Variants in IGFN1 observed in about 807,000 individuals in gnomAD.
IGFN1 encodes the protein immunoglobulin like and fibronectin type III domain containing 1.
Under a neutral mutation model 289.5 loss-of-function variants are expected in IGFN1, and 253 were observed. The ratio of observed to expected loss-of-function variants is 0.87; its 90% confidence interval spans 0.79 to 0.97. The LOEUF is 0.97. Ranked by LOEUF, IGFN1 falls within the 50% of genes least tolerant of loss-of-function variation. The pLI is 0.00. For missense variants in IGFN1, 4,470 were observed against 4,686.1 expected (o/e 0.95, Z 1.35); for synonymous variants, 1,706 against 1,788.5 (o/e 0.95, Z 1.16).
chr1:201,221,394 T>C (rs974244355), intron 18 of IGFN1, 50 bp from the exon 19 acceptor site: 6 of 1,365,194 alleles, frequency 4.4e-6, no homozygotes, highest in Non-Finnish European at 5.9e-6. Flanking sequence ...CCACACTGAG[T>C]GGCCTCCCTC....
chr1:201,197,737 T>C (rs941262134), intron 5 of IGFN1, among the ~76,000 whole-genome samples: 1 of 152,136 alleles, frequency 6.6e-6, no homozygotes, highest in African/African-American at 2.4e-5. Context: ...CAGACATGTT[T>C]TTTTTGGTGT....
In IGFN1 at chr1:201,221,630, C is replaced by G. The variant is rs569673030; in HGVS notation, c.10085C>G (p.Thr3362Arg). 6.2e-6 allele frequency: 10 copies of G among 1,614,100 alleles called. No homozygotes were observed. Among genetic ancestry groups the G allele is most frequent in the Non-Finnish European group, 8.5e-6 (10 of 1,180,020 alleles). The change falls in exon 19 of 24, where the codon ACG (threonine) becomes AGG (arginine). Residue 3362 changes from threonine to arginine, a missense_variant. Around this residue, in one of 8 missense-constraint regions of IGFN1, gnomAD observed 2,218 missense variants for 2,114.1 expected, o/e 1.05. Coordinates refer to ENST00000335211, the MANE Select transcript of IGFN1 (RefSeq NM_001164586.2). ...GGCACCGTGCCAGTCACCACCTACA[C>G]GGCCAAGGGGCTTCGGCCTGGAGAG... Reference protein sequence around the residue: ...HVGTVPVTTYTAKGLRPGEGY... With the variant: ...HVGTVPVTTYRAKGLRPGEGY...
In IGFN1 at chr1:201,207,548, C is replaced by G; in HGVS notation, c.2655C>G (p.Ala885=). The G allele has an allele frequency of 6.5e-7, 1 of 1,536,802 alleles. No individual in the cohort carries two copies. Among genetic ancestry groups the G allele is most frequent in the Non-Finnish European group, 8.7e-7 (1 of 1,146,810 alleles). ...CGGAGTCTGGTCAGGGGGTGGATGC[C>G]AGAAGCCACTGGCTAAGTAGGGCTC... The part of the protein sequence containing the change: ...GLTESGQGVD[A]RSHWLSRAPG... Residue 885 remains alanine, a synonymous_variant, in exon 12 of 24, where the codon GCC becomes GCG. Coordinates refer to ENST00000335211, the MANE Select transcript of IGFN1 (RefSeq NM_001164586.2).
Position 201,207,211 on chromosome 1 carries a change from C to T in IGFN1, c.2318C>T (p.Thr773Ile). Residue 773 changes from threonine (T) to isoleucine (I), a missense_variant, in exon 12 of 24, where the codon ACT (threonine) becomes ATT (isoleucine). Around this residue, in one of 8 missense-constraint regions of IGFN1, gnomAD observed 2,011 missense variants for 1,953.4 expected, o/e 1.03. Transcript: ENST00000335211. ...GTAGTTACAGGAAGTGCCTACAAAA[C>T]TGGCCCTGGAGGCCCAGGAGACCCC... ...ESVVTGSAYK[T>I]GPGGPGDPRG... 1 of 1,536,834 alleles carries T rather than the reference C, an allele frequency of 6.5e-7. No individual in the cohort carries two copies. The highest frequency in any genetic ancestry group is 8.7e-7 in the Non-Finnish European group (1 of 1,146,858).
intron 17 of IGFN1, 55 bp downstream of exon 17, chr1:201,217,515 C>A: frequency 6.4e-7 from 1 of 1,569,716 alleles, no homozygotes; most frequent in Non-Finnish European, 8.7e-7. Flanking sequence ...GCTCCAGGAT[C>A]CCAGGGACTT....
chr1:201,207,017 C>T lies in IGFN1; in HGVS notation c.2124C>T (p.Ala708=), dbSNP rs888413482. Residue 708 remains alanine, a synonymous_variant, in exon 12 of 24, where the codon GCC becomes GCT. Coordinates refer to ENST00000335211, the MANE Select transcript of IGFN1 (RefSeq NM_001164586.2). The part of the protein sequence containing the change: ...QGGRDADYGE[A]RGYWGSGELL... ...GTAGAGATGCTGACTATGGGGAAGCCAGGGGCTACTGGGGGTCAGGAGAGT... is the reference window on the plus strand; with the variant it reads ...GTAGAGATGCTGACTATGGGGAAGCTAGGGGCTACTGGGGGTCAGGAGAGT... 6.3e-5 allele frequency: 97 copies of T among 1,536,460 alleles called. No individual in the cohort carries two copies. The highest frequency in any genetic ancestry group is 7.8e-5 in the Non-Finnish European group (90 of 1,146,688).
At position 201,206,965 on chromosome 1, in the gene IGFN1, C is replaced by T. The variant is rs1667456311; in HGVS notation, c.2072C>T (p.Ala691Val). 2 of 1,535,858 alleles carry T rather than the reference C, an allele frequency of 1.3e-6. No individual in the cohort carries two copies. The highest frequency in any genetic ancestry group is 1.7e-6 in the Non-Finnish European group (2 of 1,146,302). ...GGTTCTGGCTCCAAGGTGGGCATGG[C>T]CCCTGAATCCTGGGGTTCTCAGGGA... is the stretch of plus-strand genomic sequence containing the variant. The part of the protein sequence containing the change: ...GRGSGSKVGM[A>V]PESWGSQGGR... The change falls in exon 12 of 24, where the codon GCC becomes GTC. Residue 691 changes from alanine to valine, a missense_variant. Physicochemically the swap from Ala to Val is moderately conservative, Grantham distance 64. Around this residue, in one of 8 missense-constraint regions of IGFN1, gnomAD observed 2,011 missense variants for 1,953.4 expected, o/e 1.03. Coordinates refer to ENST00000335211, the MANE Select transcript of IGFN1 (RefSeq NM_001164586.2).
intron 10 of IGFN1, among the ~76,000 whole-genome samples, chr1:201,204,311 C>T (rs1355852305): frequency 6.6e-6 from 1 of 152,250 alleles, no homozygotes; most frequent in Non-Finnish European, 1.5e-5. Context: ...ACGCTCCATA[C>T]AGACCTTTCC....
chr1:201,228,494 C>A lies in IGFN1; in HGVS notation c.*95C>A. The A allele has an allele frequency of 7.6e-7, 1 of 1,314,628 alleles. No homozygotes were observed. Among genetic ancestry groups the A allele is most frequent in the Non-Finnish European group, 1.1e-6 (1 of 907,940 alleles). 81.4% of individuals were successfully genotyped at this position (1,314,628 alleles called of 1,614,324 possible). ...GCCAATCCCAAGGATGGAGGCTGTG[C>A]CCAGAGCCCCAGGAAAATGGGAGTG... On this transcript the variant is annotated 3_prime_UTR_variant, in exon 24 of 24. Transcript: ENST00000335211.
chr1:201,217,321 GT>G lies in IGFN1; in HGVS notation c.9631del (p.Ser3211ArgfsTer9). The G allele has an allele frequency of 6.2e-7, 1 of 1,614,088 alleles. No homozygotes were observed. Among genetic ancestry groups the G allele is most frequent in the South Asian group, 1.1e-5 (1 of 91,078 alleles). ...AGGCCCCTTCCGCGCCAGCCATCCT[GT>G]CGGCCTCCAGCCAGGGCATCACACT... The part of the protein sequence containing the change: ...PKAPSAPAIL[S>X]ASSQGITLTW... On this transcript the variant is annotated frameshift_variant, in exon 17 of 24. Transcript: ENST00000335211. LOFTEE classifies it high-confidence loss of function.
In IGFN1 at chr1:201,207,597, G is replaced by C. The variant is rs529651501; in HGVS notation, c.2704G>C (p.Gly902Arg). ...RAPGLGAQGS[G>R]GTLGDKKGLR... ...TCCAGGCCTGGGTGCTCAGGGATCT[G>C]GGGGGACACTAGGAGATAAGAAAGG... Residue 902 changes from glycine to arginine, a missense_variant, in exon 12 of 24, where the codon GGG (glycine) becomes CGG (arginine). Physicochemically the swap from Gly to Arg is moderately radical, Grantham distance 125. Transcript: ENST00000335211. 2.0e-6 allele frequency: 3 copies of C among 1,536,558 alleles called. No individual in the cohort carries two copies. Among genetic ancestry groups the C allele is most frequent in the Non-Finnish European group, 2.6e-6 (3 of 1,146,428 alleles).
chr1:201,216,964 G>C (rs1653351075), intron 16 of IGFN1, among the ~76,000 whole-genome samples: 1 of 152,142 alleles, frequency 6.6e-6, no homozygotes, highest in African/African-American at 2.4e-5. Context: ...CCAGGAGTGA[G>C]GGTGTGGGCC....
chr1:201,216,484 A>T lies in IGFN1; in HGVS notation c.9326A>T (p.Glu3109Val). The T allele has an allele frequency of 6.3e-7, 1 of 1,593,308 alleles. No homozygotes were observed. Among genetic ancestry groups the T allele is most frequent in the Non-Finnish European group, 8.6e-7 (1 of 1,169,574 alleles). The change falls in exon 16 of 24, where the codon GAG becomes GTG. Residue 3109 changes from glutamate (E) to valine (V), a missense_variant. By Grantham distance (121) the Glu-to-Val change is moderately radical. This residue lies in a region of IGFN1 where 2,218 missense variants were observed against 2,114.1 expected (regional missense o/e 1.05). Coordinates refer to ENST00000335211, the MANE Select transcript of IGFN1 (RefSeq NM_001164586.2). The part of the protein sequence containing the change: ...DKPDPPQGPM[E>V]VQDCHRAGVC... ...CCTGATCCCCCACAAGGCCCCATGGAGGTTCAGGATTGCCATAGGGCTGGC... is the reference window on the plus strand; with the variant it reads ...CCTGATCCCCCACAAGGCCCCATGGTGGTTCAGGATTGCCATAGGGCTGGC...
chr1:201,226,904 G>T lies in IGFN1; in HGVS notation c.10809G>T (p.Pro3603=). 1 of 1,602,118 alleles carries T rather than the reference G, an allele frequency of 6.2e-7. No homozygotes were observed. Among genetic ancestry groups the T allele is most frequent in the Non-Finnish European group, 8.5e-7 (1 of 1,173,328 alleles). ...RQRDRFTVKA[P]CYREPDLSQK... ...CAGACAGGTTCACAGTGAAGGCTCC[G>T]TGCTACCGGGAGCCCGACCTGAGCC... The change falls in exon 23 of 24, where the codon CCG becomes CCT. Residue 3603 remains proline, a synonymous_variant. Coordinates refer to ENST00000335211, the MANE Select transcript of IGFN1 (RefSeq NM_001164586.2).
chr1:201,208,507 C>A lies in IGFN1; in HGVS notation c.3614C>A (p.Ala1205Asp). Residue 1205 changes from alanine (A) to aspartate (D), a missense_variant, in exon 12 of 24, where the codon GCT (alanine) becomes GAT (aspartate). Physicochemically the swap from Ala to Asp is moderately radical, Grantham distance 126 (BLOSUM62 -2). Coordinates refer to ENST00000335211, the MANE Select transcript of IGFN1 (RefSeq NM_001164586.2). ...GGGGCCGCTTCTGGGAGCCAGTGGG[C>A]TTATGGGGCTGGCAATGTGCTGGGT... ...HNGAASGSQWAYGAGNVLGYE... is the reference protein window; with the variant it reads ...HNGAASGSQWDYGAGNVLGYE... The A allele has an allele frequency of 6.9e-7, 1 of 1,450,978 alleles. No individual in the cohort carries two copies. Among genetic ancestry groups the A allele is most frequent in the Non-Finnish European group, 9.0e-7 (1 of 1,109,878 alleles). 89.9% of individuals were successfully genotyped at this position (1,450,978 alleles called of 1,614,324 possible). A position where few individuals can be genotyped will look rare whatever the true frequency, so the allele number is the denominator to read the frequency against.
Position 201,213,329 on chromosome 1 carries a change from T to TG in IGFN1, c.8438dup (p.Ser2814LeufsTer13), listed in dbSNP as rs1266177345. ...AGGCTGGGAGGTCAGGCAGGAGGCCTGGCTCACTCAGGAGCAGGTCTCAGG... is the reference window on the plus strand; with the variant it reads ...AGGCTGGGAGGTCAGGCAGGAGGCCTGGGCTCACTCAGGAGCAGGTCTCAGG... On this transcript the variant is annotated frameshift_variant, in exon 12 of 24. Coordinates refer to ENST00000335211, the MANE Select transcript of IGFN1 (RefSeq NM_001164586.2). LOFTEE classifies it high-confidence loss of function. 6.3e-7 allele frequency: 1 copy of TG among 1,593,894 alleles called. No individual in the cohort carries two copies. The highest frequency in any genetic ancestry group is 1.1e-5 in the South Asian group (1 of 88,416).
At position 201,221,778 on chromosome 1, in the gene IGFN1, C is replaced by A. The variant is rs368001469; in HGVS notation, c.10201+32C>A. On this transcript the variant is annotated intron_variant, in intron 19 of 23. Coordinates refer to ENST00000335211, the MANE Select transcript of IGFN1 (RefSeq NM_001164586.2). ...GCTGCCTCCTTCCCCGACCCCTGAGCCCTGCAGGCCTCTCCTAAGAGGGGG... is the reference window on the plus strand; with the variant it reads ...GCTGCCTCCTTCCCCGACCCCTGAGACCTGCAGGCCTCTCCTAAGAGGGGG... 9.6e-4 allele frequency: 1,471 copies of A among 1,529,338 alleles called. 1 individual carries two copies. The highest frequency in any genetic ancestry group is 1.2e-3 in the Non-Finnish European group (1,359 of 1,134,932). The allele number at this position is 1,529,338 out of a possible 1,614,324, so 94.7% of individuals were successfully genotyped here.
At position 201,212,481 on chromosome 1, in the gene IGFN1, G is replaced by A; in HGVS notation, c.7588G>A (p.Gly2530Ser). 1.3e-6 allele frequency: 2 copies of A among 1,540,582 alleles called. No individual in the cohort carries two copies. Among genetic ancestry groups the A allele is most frequent in the Non-Finnish European group, 8.7e-7 (1 of 1,146,822 alleles). Residue 2530 changes from glycine (G) to serine (S), a missense_variant, in exon 12 of 24, where the codon GGC (glycine) becomes AGC (serine). Transcript: ENST00000335211. ...AATGGGGGCTTCTGGGTTTCTTGATGGCAAGGGGGCAGTGGAAGGTGAGAC... is the reference window on the plus strand; with the variant it reads ...AATGGGGGCTTCTGGGTTTCTTGATAGCAAGGGGGCAGTGGAAGGTGAGAC... ...GIMGASGFLD[G>S]KGAVEGETWA...
chr1:201,211,418 G>T lies in IGFN1; in HGVS notation c.6525G>T (p.Glu2175Asp). The change falls in exon 12 of 24, where the codon GAG (glutamate) becomes GAT (aspartate). Residue 2175 changes from glutamate (E) to aspartate (D), a missense_variant. This residue lies in a region of IGFN1 where 2,218 missense variants were observed against 2,114.1 expected (regional missense o/e 1.05). Coordinates refer to ENST00000335211, the MANE Select transcript of IGFN1 (RefSeq NM_001164586.2). ...CTGGGGAAATGGGGTCAATGGATGA[G>T]GCAGGTTATAGGAAGGATTTGGGAG... is the stretch of plus-strand genomic sequence containing the variant. ...GSSGEMGSMD[E>D]AGYRKDLGAP... The T allele has an allele frequency of 6.7e-7, 1 of 1,500,740 alleles. No homozygotes were observed. The highest frequency in any genetic ancestry group is 1.2e-5 in the South Asian group (1 of 80,334). 93.0% of individuals were successfully genotyped at this position (1,500,740 alleles called of 1,614,324 possible).
Sources: allele counts gnomAD v4.1 joint callset (sites outside exome capture counted in the v4.1 genomes callset), GRCh38; gene constraint gnomAD v4.1.1; regional missense constraint gnomAD v4.1.1; transcripts MANE v1.5; gene names NCBI Gene and HGNC (gene_info 2026-07-23, HGNC 2026-07-21).